Variants in FPR2 observed in about 807,000 individuals in gnomAD.
The protein encoded by FPR2 is formyl peptide receptor 2, also known as N-formyl peptide receptor 2.
In FPR2, 3 loss-of-function variants were observed where a neutral mutation model predicts 4.0. That is an observed-to-expected ratio of 0.74 (90% CI 0.34 to 1.92). The LOEUF is 1.92. Ranked by LOEUF, FPR2 falls within the 30% of genes most tolerant of loss-of-function variation. FPR2 has a pLI of 0.07. For missense variants in FPR2, 372 were observed against 435.7 expected, an observed-to-expected ratio of 0.85 and a Z score of 1.30; for synonymous variants, 179 against 171.5, an observed-to-expected ratio of 1.04 and a Z score of -0.34.
chr19:51,765,857 G>A (rs190363199), intron 1 of FPR2, among the ~76,000 whole-genome samples: 88 of 152,262 alleles, frequency 5.8e-4, no homozygotes, highest in African/African-American at 2.0e-3. Flanking sequence ...AGATATCACT[G>A]ACTAAAAACT....
chr19:51,761,483 AT>A (rs1011534974), intron 1 of FPR2, among the ~76,000 whole-genome samples: 1 of 152,090 alleles, frequency 6.6e-6, no homozygotes, highest in African/African-American at 2.4e-5. Context: ...TGTTCCAATG[AT>A]TTTTTTTATT....
At chr19:51,763,356 G>A (rs2083851244) in intron 1 of FPR2, 1 of 152,292 alleles carries the variant, frequency 6.6e-6, no homozygotes, top group Non-Finnish European at 1.5e-5. Flanking sequence ...TCATCTCATG[G>A]CACAGGAAAA....
chr19:51,764,489 C>T (rs1174693406), intron 1 of FPR2, among the ~76,000 whole-genome samples: 1 of 152,154 alleles, frequency 6.6e-6, no homozygotes, highest in Non-Finnish European at 1.5e-5. Flanking sequence ...TGAGGAACTG[C>T]TGAGTTTTCA....
At position 51,761,887 on chromosome 19, in the gene FPR2, A is replaced by C. The variant is rs1386118731; in HGVS notation, c.-15+657A>C. Among the ~76,000 whole-genome samples, 3 of 152,152 alleles carry C rather than the reference A, an allele frequency of 2.0e-5. No individual in the cohort carries two copies. In the East Asian group the frequency reaches 5.8e-4, roughly 29 times the overall value. On this transcript the variant is annotated intron_variant, in intron 1 of 1. Coordinates refer to ENST00000340023, the MANE Select transcript of FPR2 (RefSeq NM_001005738.2). ...GAACAGAGAAGGCAGAAGCCCCGAG[A>C]TGACAATGAGCTGCATGTTCAAGGA...
chr19:51,766,164 A>AC (rs140379101), intron 1 of FPR2, among the ~76,000 whole-genome samples: 12,058 of 151,928 alleles, frequency 0.079, 590 homozygotes, highest in South Asian at 0.17. Flanking sequence ...CAGGCAATCC[A>AC]CCCCCCTTGG....
rs200897681 is a variant in FPR2 at position 51,769,546 on chromosome 19, C to G, written c.888C>G (p.Cys296Trp). 2.9e-4 allele frequency: 463 copies of G among 1,614,104 alleles called. 1 individual carries two copies. The highest frequency in any genetic ancestry group is 3.5e-4 in the Non-Finnish European group (416 of 1,180,054). Reference sequence around the variant, plus strand: ...GCTCCCTGGCCTTCTTCAACAGCTGCCTCAACCCCATGCTTTACGTCTTTG... The same window carrying G: ...GCTCCCTGGCCTTCTTCAACAGCTGGCTCAACCCCATGCTTTACGTCTTTG... The part of the protein sequence containing the change: ...PTSSLAFFNS[C>W]LNPMLYVFVG... The change falls in exon 2 of 2, where the codon TGC becomes TGG. Residue 296 changes from cysteine to tryptophan, a missense_variant. Transcript: ENST00000340023. This position sits in a 1 kb window ranked among gnomAD's most constrained non-coding sequence, Gnocchi z 4.4.
intron 1 of FPR2, chr19:51,763,057 G>A (rs1209428651): frequency 1.3e-5 from 2 of 152,240 alleles, no homozygotes; most frequent in Non-Finnish European, 2.9e-5. Context: ...GGTTTGAAAT[G>A]TCTACGGGAC....
At chr19:51,768,150 C>T (rs2083878087) in intron 1 of FPR2, among the ~76,000 whole-genome samples, 2 of 152,174 alleles carry the variant, frequency 1.3e-5, no homozygotes, top group Admixed American at 1.3e-4. Flanking sequence ...CAAACTTTAT[C>T]TTGAGTACTA....
rs748559905 is a variant in FPR2, at chr19:51,769,180, A to T, written c.522A>T (p.Thr174=). 5.0e-6 allele frequency: 8 copies of T among 1,614,174 alleles called. No individual in the cohort carries two copies. The South Asian group carries it at 5.5e-5, about 11-fold the overall frequency. ...LTTVTIPNGD[T]YCTFNFASWG... ...CAGTAACTATTCCAAATGGGGACAC[A>T]TACTGTACTTTCAACTTTGCATCCT... is the stretch of plus-strand genomic sequence containing the variant. The change falls in exon 2 of 2, where the codon ACA becomes ACT. Residue 174 remains threonine, a synonymous_variant. Coordinates refer to ENST00000340023, the MANE Select transcript of FPR2 (RefSeq NM_001005738.2). The surrounding 1 kb of genome is among the most constrained non-coding windows in gnomAD (Gnocchi z 4.4).
chr19:51,769,505 C>G lies in FPR2; in HGVS notation c.847C>G (p.Leu283Val). 1 of 1,614,196 alleles carries G rather than the reference C, an allele frequency of 6.2e-7. No homozygotes were observed. Among genetic ancestry groups the G allele is most frequent in the Non-Finnish European group, 8.5e-7 (1 of 1,180,028 alleles). The change falls in exon 2 of 2, where the codon CTG becomes GTG. Residue 283 changes from leucine (L) to valine (V), a missense_variant. Coordinates refer to ENST00000340023, the MANE Select transcript of FPR2 (RefSeq NM_001005738.2). The surrounding 1 kb of genome is among the most constrained non-coding windows in gnomAD (Gnocchi z 4.4). ...FYGKYKIIDI[L>V]VNPTSSLAFF... ...TGGCAAGTACAAAATCATTGACATCCTGGTTAACCCAACGAGCTCCCTGGC... is the reference window on the plus strand; with the variant it reads ...TGGCAAGTACAAAATCATTGACATCGTGGTTAACCCAACGAGCTCCCTGGC...
In FPR2 at chr19:51,768,838, C is replaced by T. The variant is rs556840287; in HGVS notation, c.180C>T (p.Thr60=). 6.8e-6 allele frequency: 11 copies of T among 1,614,172 alleles called. No homozygotes were observed. The highest frequency in any genetic ancestry group is 1.7e-5 in the Admixed American group (1 of 60,016). Residue 60 remains threonine, a synonymous_variant, in exon 2 of 2, where the codon ACC becomes ACT. Transcript: ENST00000340023. ...GATTCCGGATGACACGCACAGTCACCACCATCTGTTACCTGAACCTGGCCC... is the reference window on the plus strand; with the variant it reads ...GATTCCGGATGACACGCACAGTCACTACCATCTGTTACCTGAACCTGGCCC... The part of the protein sequence containing the change: ...VAGFRMTRTV[T]TICYLNLALA...
In FPR2 at chr19:51,769,025, C is replaced by T. The variant is rs370185503; in HGVS notation, c.367C>T (p.Arg123Cys). The T allele has an allele frequency of 7.0e-5, 113 of 1,614,168 alleles. No individual in the cohort carries two copies. The highest frequency in any genetic ancestry group is 1.6e-4 in the Middle Eastern group (1 of 6,062). Residue 123 changes from arginine (R) to cysteine (C), a missense_variant, in exon 2 of 2, where the codon CGC becomes TGC. Transcript: ENST00000340023. The surrounding 1 kb of genome is among the most constrained non-coding windows in gnomAD (Gnocchi z 4.4). Reference sequence around the variant, plus strand: ...CTTGATTGGTTTCATTGCACTGGACCGCTGCATTTGTGTCCTGCATCCAGT... The same window carrying T: ...CTTGATTGGTTTCATTGCACTGGACTGCTGCATTTGTGTCCTGCATCCAGT... ...VFLIGFIALD[R>C]CICVLHPVWA...
rs754054611 is a variant in FPR2 at position 51,769,339 on chromosome 19, G to A, written c.681G>A (p.Lys227=). The A allele has an allele frequency of 3.7e-6, 6 of 1,614,164 alleles. No individual in the cohort carries two copies. The South Asian group carries it at 6.6e-5, about 18-fold the overall frequency. ...VAICYGLIAA[K]IHKKGMIKSS... ...TCTGCTATGGGCTCATTGCAGCCAA[G>A]ATCCACAAAAAGGGCATGATTAAAT... The change falls in exon 2 of 2, where the codon AAG becomes AAA. Residue 227 remains lysine (K), a synonymous_variant. Coordinates refer to ENST00000340023, the MANE Select transcript of FPR2 (RefSeq NM_001005738.2). This position sits in a 1 kb window ranked among gnomAD's most constrained non-coding sequence, Gnocchi z 4.4.
At chr19:51,762,844 G>A (rs1207862844) in intron 1 of FPR2, 2 of 152,232 alleles carry the variant, frequency 1.3e-5, no homozygotes, top group Admixed American at 1.3e-4. Flanking sequence ...GATAGAGATG[G>A]CTCTGGCTGT....
intron 1 of FPR2, among the ~76,000 whole-genome samples, chr19:51,767,406 A>C (rs954407131): frequency 2.0e-5 from 3 of 151,490 alleles, no homozygotes; most frequent in Admixed American, 6.6e-5. Context: ...AAACAAAAAA[A>C]CTTGATCTGA....
rs1807639525 is a variant in FPR2, at chr19:51,769,185, G to T, written c.527G>T (p.Cys176Phe). The change falls in exon 2 of 2, where the codon TGT (cysteine) becomes TTT (phenylalanine). Residue 176 changes from cysteine to phenylalanine, a missense_variant. Physicochemically the swap from Cys to Phe is radical, Grantham distance 205. Coordinates refer to ENST00000340023, the MANE Select transcript of FPR2 (RefSeq NM_001005738.2). The surrounding 1 kb of genome is among the most constrained non-coding windows in gnomAD (Gnocchi z 4.4). ...TVTIPNGDTY[C>F]TFNFASWGGT... The stretch of plus-strand genomic sequence containing the variant: ...ACTATTCCAAATGGGGACACATACT[G>T]TACTTTCAACTTTGCATCCTGGGGT... 6.2e-7 allele frequency: 1 copy of T among 1,614,184 alleles called. No individual in the cohort carries two copies. The highest frequency in any genetic ancestry group is 8.5e-7 in the Non-Finnish European group (1 of 1,180,030).
In FPR2 at chr19:51,769,068, G is replaced by T; in HGVS notation, c.410G>T (p.Arg137Leu). 2 of 1,614,160 alleles carry T rather than the reference G, an allele frequency of 1.2e-6. No homozygotes were observed. Among genetic ancestry groups the T allele is most frequent in the Non-Finnish European group, 1.7e-6 (2 of 1,180,044 alleles). ...CATCCAGTCTGGGCCCAGAACCACCGCACTGTGAGTCTGGCCATGAAGGTG... is the reference window on the plus strand; with the variant it reads ...CATCCAGTCTGGGCCCAGAACCACCTCACTGTGAGTCTGGCCATGAAGGTG... ...VLHPVWAQNH[R>L]TVSLAMKVIV... The change falls in exon 2 of 2, where the codon CGC becomes CTC. Residue 137 changes from arginine to leucine, a missense_variant. Transcript: ENST00000340023. This position sits in a 1 kb window ranked among gnomAD's most constrained non-coding sequence, Gnocchi z 4.4.
chr19:51,764,093 T>G, intron 1 of FPR2, among the ~76,000 whole-genome samples: 1 of 152,094 alleles, frequency 6.6e-6, no homozygotes, highest in East Asian at 1.9e-4. Context: ...GGGGATATGA[T>G]TTATGTAATG....
chr19:51,764,129 G>A (rs1312248131), intron 1 of FPR2, among the ~76,000 whole-genome samples: 1 of 152,152 alleles, frequency 6.6e-6, no homozygotes, highest in Admixed American at 6.5e-5. Flanking sequence ...GAATGATCTA[G>A]TAGAAATAAA....
Sources: allele counts gnomAD v4.1 joint callset (sites outside exome capture counted in the v4.1 genomes callset), GRCh38; gene constraint gnomAD v4.1.1; non-coding constraint Gnocchi (gnomAD v3.1); transcripts MANE v1.5; gene names NCBI Gene and HGNC (gene_info 2026-07-23, HGNC 2026-07-21).